The following ATP5MC2 variants were observed in gnomAD, a reference collection of about 807,000 sequenced individuals.
The protein encoded by ATP5MC2 is ATP synthase F(0) complex subunit C2, mitochondrial.
In ATP5MC2, 11 loss-of-function variants were observed where a neutral mutation model predicts 13.5. The observed-to-expected ratio is 0.81, with a 90% confidence interval of 0.51 to 1.35. The LOEUF (loss-of-function observed/expected upper bound fraction) is 1.35. Among genes scored for constraint, ATP5MC2 ranks in the 40% most tolerant of loss-of-function variants. The probability of loss-of-function intolerance (pLI) is 0.00; values close to 1 mark genes in which losing one functional copy is unlikely to be tolerated. For missense variants in ATP5MC2, 132 were observed against 175.0 expected (o/e 0.75, Z 1.39); for synonymous variants, 64 against 69.7 (o/e 0.92, Z 0.41).
At chr12:53,667,821 CA>C (rs761984224) in intron 4 of ATP5MC2, among the ~76,000 whole-genome samples, 13 of 151,810 alleles carry the variant, frequency 8.6e-5, no homozygotes, top group Non-Finnish European at 1.5e-4. Flanking sequence ...CTCAATCATA[CA>C]AAACCTGGCT....
At chr12:53,669,049 G>A (rs1945014804) in intron 4 of ATP5MC2, 99 bp downstream of exon 4, 7 of 1,361,976 alleles carry the variant, frequency 5.1e-6, no homozygotes, top group Non-Finnish European at 6.8e-6. Flanking sequence ...CATGTAGCTA[G>A]TGGCTACAGT....
chr12:53,665,499 G>A, intron 4 of ATP5MC2, 71 bp from the exon 5 acceptor site: 1 of 1,229,596 alleles, frequency 8.1e-7, no homozygotes, highest in Non-Finnish European at 1.2e-6. Context: ...TCTAAGATGG[G>A]CTCAGGGAGA....
At chr12:53,670,779 C>G (rs1593050678) in intron 2 of ATP5MC2, among the ~76,000 whole-genome samples, 1 of 151,870 alleles carries the variant, frequency 6.6e-6, no homozygotes. Context: ...CCGGCAACCA[C>G]GCCCAGCTAA....
chr12:53,665,588 T>A (rs1360194506), intron 4 of ATP5MC2, among the ~76,000 whole-genome samples, 160 bp from the exon 5 acceptor site: 1 of 152,192 alleles, frequency 6.6e-6, no homozygotes, highest in Admixed American at 6.5e-5. Context: ...TTGCCCTGAT[T>A]CCCCAAAGGC....
intron 2 of ATP5MC2, among the ~76,000 whole-genome samples, chr12:53,672,142 T>C (rs1352673105): frequency 6.9e-6 from 1 of 145,696 alleles, no homozygotes. Flanking sequence ...CAGGAGAGTA[T>C]CTAGCAAGCA....
chr12:53,670,990 A>AAGTCAAATC (rs11282989), intron 2 of ATP5MC2, among the ~76,000 whole-genome samples: 94,555 of 151,444 alleles, frequency 0.62, 32,247 homozygotes, highest in East Asian at 0.95. Flanking sequence ...AAAAAATCTT[A>AAGTCAAATC]ATCTAAAGTT....
chr12:53,675,692 A>G (rs369467444), intron 1 of ATP5MC2, among the ~76,000 whole-genome samples: 2 of 152,228 alleles, frequency 1.3e-5, no homozygotes, highest in African/African-American at 2.4e-5. Context: ...TGAGAAGAGA[A>G]AGCAGAGATA....
chr12:53,677,761 A>G (rs994356624), upstream of ATP5MC2, among the ~76,000 whole-genome samples: 9 of 152,250 alleles, frequency 5.9e-5, no homozygotes, highest in Admixed American at 1.3e-4. Flanking sequence ...TTGGGAATCA[A>G]TCAACAGGTA....
intron 4 of ATP5MC2, among the ~76,000 whole-genome samples, chr12:53,666,172 G>A (rs976315320): frequency 1.3e-5 from 2 of 151,882 alleles, no homozygotes; most frequent in Non-Finnish European, 2.9e-5. Context: ...GGCCAGGCGC[G>A]GTGGCTCACG....
At chr12:53,669,415 C>G in intron 3 of ATP5MC2, 74 bp from the exon 4 acceptor site, 2 of 1,475,782 alleles carry the variant, frequency 1.4e-6, no homozygotes, top group Non-Finnish European at 1.8e-6. Flanking sequence ...ACCCTTTAAG[C>G]TGCCAAATCC....
chr12:53,667,940 T>TA (rs1203134572), intron 4 of ATP5MC2, among the ~76,000 whole-genome samples: 23 of 86,534 alleles, frequency 2.7e-4, no homozygotes, highest in Middle Eastern at 5.6e-3. Context: ...TTCTAATACA[T>TA]ACATACATAC....
chr12:53,669,074 T>C (rs1945016060), intron 4 of ATP5MC2, 74 bp downstream of exon 4: 3 of 1,531,786 alleles, frequency 2.0e-6, no homozygotes, highest in South Asian at 2.6e-5. Context: ...GATAGTATAG[T>C]TCTAGACCCC....
intron 1 of ATP5MC2, chr12:53,673,424 A>G (rs1009162561): frequency 1.3e-5 from 2 of 152,356 alleles, no homozygotes. Flanking sequence ...GTCTCCAACA[A>G]TCTCTTTGCT....
At chr12:53,667,258 A>G (rs547201791) in intron 4 of ATP5MC2, among the ~76,000 whole-genome samples, 3 of 152,156 alleles carry the variant, frequency 2.0e-5, no homozygotes, top group South Asian at 4.1e-4. Flanking sequence ...TGGGAGTACT[A>G]AACAGTCCCA....
At chr12:53,673,347 C>CAAACAAACAAAA (rs1945163913) in intron 1 of ATP5MC2, 4 of 151,982 alleles carry the variant, frequency 2.6e-5, no homozygotes, top group African/African-American at 1.0e-4. Context: ...AACAAACAAA[C>CAAACAAACAAAA]AAAAAGTTGC....
upstream of ATP5MC2, chr12:53,676,182 A>G: frequency 1.2e-6 from 2 of 1,613,552 alleles, no homozygotes; most frequent in Non-Finnish European, 8.5e-7. Context: ...ATACAGGATC[A>G]GCTCAGGCAT....
upstream of ATP5MC2, chr12:53,677,482 G>C (rs1035175727): frequency 1.3e-5 from 2 of 152,234 alleles, no homozygotes; most frequent in Non-Finnish European, 2.9e-5. Context: ...CAGGCGGGCG[G>C]CAGAGGGATT....
At chr12:53,679,746 C>T (rs1277623153), upstream of ATP5MC2, among the ~76,000 whole-genome samples, 1 of 152,292 alleles carries the variant, frequency 6.6e-6, no homozygotes, top group Middle Eastern at 3.4e-3. Flanking sequence ...CTGGTGGGAA[C>T]TGACTGATAT....
chr12:53,669,918 G>C lies in ATP5MC2; in HGVS notation c.70C>G (p.Pro24Ala), dbSNP rs1398986999. 1.2e-6 allele frequency: 2 copies of C among 1,614,126 alleles called. No homozygotes were observed. The highest frequency in any genetic ancestry group is 1.7e-6 in the Non-Finnish European group (2 of 1,179,980). Reference protein sequence around the residue: ...VKSTSQLLSRPLSAVVLKRPE... With the variant: ...VKSTSQLLSRALSAVVLKRPE... Reference sequence around the variant, plus strand: ...CGTTTCAGCACCACTGCAGATAGCGGACGGCTCAGCAGCTGTGAGGTGCTC... The same window carrying C: ...CGTTTCAGCACCACTGCAGATAGCGCACGGCTCAGCAGCTGTGAGGTGCTC... The change falls in exon 3 of 5, where the codon CCG (proline) becomes GCG (alanine). Residue 24 changes from proline to alanine, a missense_variant. By Grantham distance (27) the Pro-to-Ala change is conservative (BLOSUM62 -1). Transcript: ENST00000394349.
Sources: allele counts gnomAD v4.1 joint callset (sites outside exome capture counted in the v4.1 genomes callset), GRCh38; gene constraint gnomAD v4.1.1; transcripts MANE v1.5; gene names NCBI Gene and HGNC (gene_info 2026-07-23, HGNC 2026-07-21).